UTRN: variants seen among roughly 807,000 people sequenced by gnomAD.
UTRN encodes utrophin, also known as dystrophin-related protein 1.
Under a neutral mutation model 463.9 loss-of-function variants are expected in UTRN, and 283 were observed. The observed-to-expected ratio is 0.61, with a 90% CI of 0.55 to 0.67. The LOEUF is 0.67. UTRN is among the 30% of genes least tolerant of loss of function. The pLI, the probability that UTRN is intolerant of heterozygous loss-of-function variation, is 0.00. For missense variants in UTRN, 3,922 were observed against 4,084.3 expected, an observed-to-expected ratio of 0.96 and a Z score of 1.08; for synonymous variants, 1,442 against 1,431.5, an observed-to-expected ratio of 1.01 and a Z score of -0.17.
At chr6:144,705,171 G>A (rs530702084) in intron 53 of UTRN, among the ~76,000 whole-genome samples, 1 of 152,170 alleles carries the variant, frequency 6.6e-6, no homozygotes, top group East Asian at 1.9e-4. Flanking sequence ...AGGGTTGTTG[G>A]CTCCTCATAG....
intron 43 of UTRN, among the ~76,000 whole-genome samples, 154 bp from the exon 44 acceptor site, chr6:144,537,428 A>G: frequency 6.6e-6 from 1 of 151,926 alleles, no homozygotes; most frequent in South Asian, 2.1e-4. Context: ...ATTGTAGAAT[A>G]TATACATTGT....
chr6:144,347,837 G>GTTTTTTTTTTTTTTT lies in UTRN; in HGVS notation c.80-55274_80-55273insTTTTTTTTTTTTTTT, dbSNP rs560581181. ...TCTCCTGAACTGTGGCTTATTCTTT[G>GTTTTTTTTTTTTTTT]TTTTTTTTTTTTGTTTTTTTTTTTG... On this transcript the variant is annotated intron_variant, in intron 2 of 74. Transcript: ENST00000367545. Among the ~76,000 whole-genome samples, 168 of 128,866 alleles carry GTTTTTTTTTTTTTTT rather than the reference G, an allele frequency of 1.3e-3. 14 individuals carry two copies. Among genetic ancestry groups the GTTTTTTTTTTTTTTT allele is most frequent in the African/African-American group, 5.1e-3 (149 of 29,442 alleles). The allele number at this position is 128,866 out of a possible 152,430, so 84.5% of individuals were successfully genotyped here.
intron 53 of UTRN, among the ~76,000 whole-genome samples, chr6:144,707,702 T>G (rs1489138293): frequency 3.9e-5 from 6 of 152,218 alleles, no homozygotes. Context: ...GGCCCCACTT[T>G]CAGAGCTTCT....
intron 23 of UTRN, among the ~76,000 whole-genome samples, chr6:144,467,140 G>A (rs972732488): frequency 6.6e-6 from 1 of 152,226 alleles, no homozygotes; most frequent in Non-Finnish European, 1.5e-5. Context: ...GCTGAGTCAG[G>A]TGGGGAGAAT....
At chr6:144,761,660 A>G (rs1452152637) in intron 58 of UTRN, among the ~76,000 whole-genome samples, 1 of 152,006 alleles carries the variant, frequency 6.6e-6, no homozygotes, top group African/African-American at 2.4e-5. Context: ...AAAAATAATA[A>G]TAATAATAAT....
In UTRN at chr6:144,836,379, G is replaced by C. The variant is rs775973287; in HGVS notation, c.9903G>C (p.Ser3301=). ...TCCCTGTCGGTTCACCGCCAGAGTC[G>C]ATTATATCTCCCCATCACACGTCTG... ...RGLPVGSPPE[S]IISPHHTSED... The change falls in exon 71 of 75, where the codon TCG becomes TCC. Residue 3301 remains serine (S), a synonymous_variant. Coordinates refer to ENST00000367545, the MANE Select transcript of UTRN (RefSeq NM_007124.3). 1.2e-6 allele frequency: 2 copies of C among 1,613,970 alleles called. No homozygotes were observed. The highest frequency in any genetic ancestry group is 2.2e-5 in the East Asian group (1 of 44,886).
At chr6:144,462,946 T>A in intron 23 of UTRN, 80 bp downstream of exon 23, 2 of 1,127,050 alleles carry the variant, frequency 1.8e-6, no homozygotes, top group Non-Finnish European at 2.5e-6. Context: ...GTATTTATTA[T>A]TTAAATATTT....
chr6:144,525,892 G>A (rs1186610673), intron 41 of UTRN, among the ~76,000 whole-genome samples: 3 of 151,886 alleles, frequency 2.0e-5, no homozygotes, highest in East Asian at 3.9e-4. Context: ...CACTATTATC[G>A]TTCAGTTCAA....
At chr6:144,672,644 T>TTTTG (rs1781173252) in intron 51 of UTRN, among the ~76,000 whole-genome samples, 1 of 152,074 alleles carries the variant, frequency 6.6e-6, no homozygotes, top group Non-Finnish European at 1.5e-5. Flanking sequence ...TTTTTGTGTT[T>TTTTG]TTTGTTTGTT....
chr6:144,508,291 A>C (rs1016676037), intron 34 of UTRN, among the ~76,000 whole-genome samples: 7 of 152,054 alleles, frequency 4.6e-5, no homozygotes, highest in Non-Finnish European at 7.4e-5. Context: ...GGTGTGAAAA[A>C]AAACAAACAA....
intron 3 of UTRN, among the ~76,000 whole-genome samples, chr6:144,409,614 A>G (rs867393969): frequency 9.9e-5 from 15 of 152,086 alleles, no homozygotes; most frequent in Admixed American, 3.3e-4. Flanking sequence ...GATTGCTGAG[A>G]GGTAGTGGTT....
chr6:144,437,594 G>C lies in UTRN; in HGVS notation c.1089G>C (p.Gln363His), dbSNP rs754787643. Residue 363 changes from glutamine (Q) to histidine (H), a missense_variant, in exon 11 of 75, where the codon CAG (glutamine) becomes CAC (histidine). Gln to His is a conservative substitution (Grantham distance 24, BLOSUM62 0). This residue lies in a region of UTRN where 2,349 missense variants were observed against 2,303.8 expected (regional missense o/e 1.02). Coordinates refer to ENST00000367545, the MANE Select transcript of UTRN (RefSeq NM_007124.3). The stretch of plus-strand genomic sequence containing the variant: ...TTATGATGGAACTGACTGCACACCA[G>C]AGCAGTGTGGGCAGCGTCCTGCAGG... ...EAFMMELTAH[Q>H]SSVGSVLQAG... 1 of 1,613,456 alleles carries C rather than the reference G, an allele frequency of 6.2e-7. No homozygotes were observed. The highest frequency in any genetic ancestry group is 2.2e-5 in the East Asian group (1 of 44,854).
chr6:144,457,973 G>GGATTTGAAGGTATTTTAGAT (rs1389819903), intron 19 of UTRN, among the ~76,000 whole-genome samples: 1 of 152,026 alleles, frequency 6.6e-6, no homozygotes, highest in African/African-American at 2.4e-5. Context: ...TCATTTTAGA[G>GGATTTGAAGGTATTTTAGAT]GATTTGAAGG....
intron 2 of UTRN, among the ~76,000 whole-genome samples, chr6:144,359,037 G>T (rs1454617336): frequency 6.6e-6 from 1 of 151,918 alleles, no homozygotes; most frequent in Non-Finnish European, 1.5e-5. Context: ...TCCTGTTTTT[G>T]TTTTTAGTTT....
intron 45 of UTRN, among the ~76,000 whole-genome samples, chr6:144,540,387 C>T (rs1797890559): frequency 6.6e-6 from 1 of 152,132 alleles, no homozygotes; most frequent in Admixed American, 6.5e-5. Context: ...TCTCTCTCAT[C>T]CTCTTTAAAT....
chr6:144,461,457 T>G lies in UTRN; in HGVS notation c.2853+115T>G, dbSNP rs1336293919. The G allele has an allele frequency of 2.5e-6, 3 of 1,183,354 alleles. No individual in the cohort carries two copies. The African/African-American group carries it at 4.7e-5, about 18-fold the overall frequency. The allele number at this position is 1,183,354 out of a possible 1,614,324, so 73.3% of individuals were successfully genotyped here. On this transcript the variant is annotated intron_variant, in intron 22 of 74. Coordinates refer to ENST00000367545, the MANE Select transcript of UTRN (RefSeq NM_007124.3). ...AAAGTTGGTCAGTTTTGTTCATCAT[T>G]GGTGCAAAAATGTGTTTATGATTTG... is the stretch of plus-strand genomic sequence containing the variant.
intron 54 of UTRN, among the ~76,000 whole-genome samples, chr6:144,732,279 C>A (rs78801371): frequency 9.7e-6 from 1 of 103,216 alleles, no homozygotes; most frequent in African/African-American, 4.1e-5. Context: ...TATATATATA[C>A]ACACATATAT....
At chr6:144,617,190 A>T (rs946627154) in intron 51 of UTRN, among the ~76,000 whole-genome samples, 1 of 152,138 alleles carries the variant, frequency 6.6e-6, no homozygotes, top group Non-Finnish European at 1.5e-5. Context: ...GTTCTTAATG[A>T]TTTGATGCCT....
intron 2 of UTRN, chr6:144,398,100 T>C (rs550760130): frequency 6.4e-5 from 16 of 251,530 alleles, no homozygotes; most frequent in Middle Eastern, 4.7e-4. Context: ...TCTGGAAAGA[T>C]GACTGGGAAG....
Sources: allele counts gnomAD v4.1 joint callset (sites outside exome capture counted in the v4.1 genomes callset), GRCh38; gene constraint gnomAD v4.1.1; regional missense constraint gnomAD v4.1.1; transcripts MANE v1.5; gene names NCBI Gene and HGNC (gene_info 2026-07-23, HGNC 2026-07-21).